The following IRX3 variants were observed in gnomAD, a reference collection of about 807,000 sequenced individuals.
IRX3 encodes the protein iroquois-class homeodomain protein IRX-3.
A neutral mutation model predicts 36.4 loss-of-function variants in IRX3; 20 were observed. That is an observed-to-expected ratio of 0.55 (90% CI 0.39 to 0.80). IRX3 has a LOEUF of 0.80. Among genes scored for constraint, IRX3 ranks in the 30% least tolerant of loss-of-function variants. The probability of loss-of-function intolerance (pLI) is 0.00; values close to 1 mark genes in which losing one functional copy is unlikely to be tolerated. For missense variants in IRX3, 718 were observed against 733.2 expected (o/e 0.98, Z 0.24); for synonymous variants, 404 against 351.6 (o/e 1.15, Z -1.67).
chr16:54,284,401 G>C lies in IRX3; in HGVS notation c.1385-89C>G. ...GCAGAAAGCAGGAGTGGAGAGGGAC[G>C]CGCGCCCTGCGCCCCCCGGGCCCTG... On this transcript the variant is annotated intron_variant, in intron 2 of 3. Coordinates refer to ENST00000329734, the MANE Select transcript of IRX3 (RefSeq NM_024336.3). The surrounding 1 kb of genome is among the most constrained non-coding windows in gnomAD (Gnocchi z 4.0). 6.9e-7 allele frequency: 1 copy of C among 1,456,906 alleles called. No individual in the cohort carries two copies. Among genetic ancestry groups the C allele is most frequent in the Non-Finnish European group, 9.0e-7 (1 of 1,110,562 alleles). The allele number at this position is 1,456,906 out of a possible 1,614,324, so 90.2% of individuals were successfully genotyped here. A position where few individuals can be genotyped will look rare whatever the true frequency, so the allele number is the denominator to read the frequency against.
Position 54,285,628 on chromosome 16 carries a change from AGAAG to A in IRX3, c.268-19_268-16del, listed in dbSNP as rs1901312072. 1.2e-5 allele frequency: 18 copies of A among 1,498,860 alleles called. No individual in the cohort carries two copies. The highest frequency in any genetic ancestry group is 2.2e-5 in the Admixed American group (1 of 44,734). 92.8% of individuals were successfully genotyped at this position (1,498,860 alleles called of 1,614,324 possible). A position where few individuals can be genotyped will look rare whatever the true frequency, so the allele number is the denominator to read the frequency against. On this transcript the variant is annotated splice_polypyrimidine_tract_variant and intron_variant, in intron 1 of 3. Coordinates refer to ENST00000329734, the MANE Select transcript of IRX3 (RefSeq NM_024336.3). The surrounding 1 kb of genome is among the most constrained non-coding windows in gnomAD (Gnocchi z 5.7). ...TACTGCGCGCCCTGTACGCACATGG[AGAAG>A]GAAGGGACACGCGCGGAGGGAGCGC... is the stretch of plus-strand genomic sequence containing the variant.
Position 54,283,826 on chromosome 16 carries a change from G to C in IRX3, c.1452-86C>G. 1 of 1,584,010 alleles carries C rather than the reference G, an allele frequency of 6.3e-7. No individual in the cohort carries two copies. Reference sequence around the variant, plus strand: ...GGGCGGGGAGATCCTACTTGGATTGGGGCCGATCGTCAGGAAGGTGTCGCA... The same window carrying C: ...GGGCGGGGAGATCCTACTTGGATTGCGGCCGATCGTCAGGAAGGTGTCGCA... On this transcript the variant is annotated intron_variant, in intron 3 of 3. Coordinates refer to ENST00000329734, the MANE Select transcript of IRX3 (RefSeq NM_024336.3). The surrounding 1 kb of genome is among the most constrained non-coding windows in gnomAD (Gnocchi z 4.4).
Position 54,286,089 on chromosome 16 carries a change from C to A in IRX3, c.-39G>T. On this transcript the variant is annotated 5_prime_UTR_variant, in exon 1 of 4. Transcript: ENST00000329734. ...GCACGGACGGAGAGGGGGGCCGACCCCCGGGCCGCCCAGCTCAGCGCCGCC... is the reference window on the plus strand; with the variant it reads ...GCACGGACGGAGAGGGGGGCCGACCACCGGGCCGCCCAGCTCAGCGCCGCC... 1 of 1,223,770 alleles carries A rather than the reference C, an allele frequency of 8.2e-7. No homozygotes were observed. The highest frequency in any genetic ancestry group is 1.0e-6 in the Non-Finnish European group (1 of 975,390). 75.8% of individuals were successfully genotyped at this position (1,223,770 alleles called of 1,614,324 possible).
rs1901324417 is a variant in IRX3, at chr16:54,285,913, C to T, written c.138G>A (p.Ser46=). The T allele has an allele frequency of 1.3e-6, 2 of 1,524,508 alleles. No homozygotes were observed. The highest frequency in any genetic ancestry group is 1.2e-5 in the South Asian group (1 of 81,172). 94.4% of individuals were successfully genotyped at this position (1,524,508 alleles called of 1,614,324 possible). Reference sequence around the variant, plus strand: ...ACGAGAGCACGTTGGACAGGGACCCCGAGGCGTTCAGCTCCGAGGCTCCGG... The same window carrying T: ...ACGAGAGCACGTTGGACAGGGACCCTGAGGCGTTCAGCTCCGAGGCTCCGG... ...LGAGASELNA[S]GSLSNVLSSV... is the part of the protein sequence containing the mutation. Residue 46 remains serine, a synonymous_variant, in exon 1 of 4, where the codon TCG becomes TCA. Transcript: ENST00000329734. This position sits in a 1 kb window ranked among gnomAD's most constrained non-coding sequence, Gnocchi z 5.7.
In IRX3 at chr16:54,285,756, C is replaced by T; in HGVS notation, c.267+28G>A. The T allele has an allele frequency of 1.3e-6, 2 of 1,511,928 alleles. No individual in the cohort carries two copies. Among genetic ancestry groups the T allele is most frequent in the South Asian group, 1.3e-5 (1 of 77,150 alleles). 93.7% of individuals were successfully genotyped at this position (1,511,928 alleles called of 1,614,324 possible). On this transcript the variant is annotated intron_variant, in intron 1 of 3. Coordinates refer to ENST00000329734, the MANE Select transcript of IRX3 (RefSeq NM_024336.3). This position sits in a 1 kb window ranked among gnomAD's most constrained non-coding sequence, Gnocchi z 5.7. ...TCGCCCTGCGCCCCAGCGCCAACCC[C>T]TCCTTCCCTGGCTCCGCGGGCTCTT...
Position 54,284,540 on chromosome 16 carries a change from G to A in IRX3, c.1341C>T (p.Ala447=). 6 of 1,419,088 alleles carry A rather than the reference G, an allele frequency of 4.2e-6. No homozygotes were observed. Among genetic ancestry groups the A allele is most frequent in the Non-Finnish European group, 5.5e-6 (6 of 1,096,768 alleles). 87.9% of individuals were successfully genotyped at this position (1,419,088 alleles called of 1,614,324 possible). A position where few individuals can be genotyped will look rare whatever the true frequency, so the allele number is the denominator to read the frequency against. Residue 447 remains alanine, a synonymous_variant, in exon 2 of 4, where the codon GCC becomes GCT. Coordinates refer to ENST00000329734, the MANE Select transcript of IRX3 (RefSeq NM_024336.3). This position sits in a 1 kb window ranked among gnomAD's most constrained non-coding sequence, Gnocchi z 4.0. ...GLPGAAGHPA[A]AAAFARPAEP... ...CCGCTGGCCGAGCGAAGGCGGCGGC[G>A]GCAGCCGGGTGGCCCGCGGCTCCGG...
Position 54,285,399 on chromosome 16 carries a change from A to G in IRX3, c.482T>C (p.Ile161Thr). ...KNPYPTKGEKIMLAIITKMTL... is the reference protein window; with the variant it reads ...KNPYPTKGEKTMLAIITKMTL... ...CATCTTGGTGATGATGGCCAGCATG[A>G]TCTTCTCGCCCTTGGTGGGGTAGGG... is the stretch of plus-strand genomic sequence containing the variant. The change falls in exon 2 of 4, where the codon ATC becomes ACC. Residue 161 changes from isoleucine (I) to threonine (T), a missense_variant. By Grantham distance (89) the Ile-to-Thr change is moderately conservative. This residue lies in a region of IRX3 where 46 missense variants were observed against 89.7 expected (regional missense o/e 0.51). Transcript: ENST00000329734. The surrounding 1 kb of genome is among the most constrained non-coding windows in gnomAD (Gnocchi z 5.7). 2 of 1,614,070 alleles carry G rather than the reference A, an allele frequency of 1.2e-6. No homozygotes were observed. The highest frequency in any genetic ancestry group is 1.1e-5 in the South Asian group (1 of 91,072).
chr16:54,285,701 C>T lies in IRX3; in HGVS notation c.267+83G>A. ...GCTGCCTCCCCCCTCCTGGCCTGCACCCCTCTAGTCCGGCCCCCGCGCGCT... is the reference window on the plus strand; with the variant it reads ...GCTGCCTCCCCCCTCCTGGCCTGCATCCCTCTAGTCCGGCCCCCGCGCGCT... On this transcript the variant is annotated intron_variant, in intron 1 of 3. Transcript: ENST00000329734. The surrounding 1 kb of genome is among the most constrained non-coding windows in gnomAD (Gnocchi z 5.7). The T allele has an allele frequency of 6.9e-7, 1 of 1,457,006 alleles. No individual in the cohort carries two copies. The highest frequency in any genetic ancestry group is 9.0e-7 in the Non-Finnish European group (1 of 1,111,276). The allele number at this position is 1,457,006 out of a possible 1,614,324, so 90.3% of individuals were successfully genotyped here.
Position 54,283,749 on chromosome 16 carries a change from G to A in IRX3, c.1452-9C>T. On this transcript the variant is annotated splice_polypyrimidine_tract_variant and intron_variant, in intron 3 of 3. Transcript: ENST00000329734. The surrounding 1 kb of genome is among the most constrained non-coding windows in gnomAD (Gnocchi z 4.4). ...CCAGATGGTTCTGGGGCCTGGAAGA[G>A]AGAGACAGTAGTAGCAAAAGAGGTG... is the stretch of plus-strand genomic sequence containing the variant. The A allele has an allele frequency of 6.2e-7, 1 of 1,608,922 alleles. No individual in the cohort carries two copies. Among genetic ancestry groups the A allele is most frequent in the Non-Finnish European group, 8.5e-7 (1 of 1,175,540 alleles).
In IRX3 at chr16:54,285,911, C is replaced by A. The variant is rs138097550; in HGVS notation, c.140G>T (p.Gly47Val). Reference protein sequence around the residue: ...GAGASELNASGSLSNVLSSVY... With the variant: ...GAGASELNASVSLSNVLSSVY... The stretch of plus-strand genomic sequence containing the variant: ...GGACGAGAGCACGTTGGACAGGGAC[C>A]CCGAGGCGTTCAGCTCCGAGGCTCC... Residue 47 changes from glycine (G) to valine (V), a missense_variant, in exon 1 of 4, where the codon GGG becomes GTG. Transcript: ENST00000329734. This position sits in a 1 kb window ranked among gnomAD's most constrained non-coding sequence, Gnocchi z 5.7. 25 of 1,524,912 alleles carry A rather than the reference C, an allele frequency of 1.6e-5. No homozygotes were observed. The highest frequency in any genetic ancestry group is 1.9e-5 in the Non-Finnish European group (22 of 1,136,818). The allele number at this position is 1,524,912 out of a possible 1,614,324, so 94.5% of individuals were successfully genotyped here.
rs538981562 is a variant in IRX3, at chr16:54,286,157, C to A, written c.-107G>T. The A allele has an allele frequency of 4.1e-5, 44 of 1,075,752 alleles. No homozygotes were observed. The highest frequency in any genetic ancestry group is 4.9e-5 in the Non-Finnish European group (43 of 885,816). 66.6% of individuals were successfully genotyped at this position (1,075,752 alleles called of 1,614,324 possible). Reference sequence around the variant, plus strand: ...ATCGGGGGCTGGGCCGGGCTTGGGGCCGCGCTGCCGCCCGCGCTGCGCTGT... The same window carrying A: ...ATCGGGGGCTGGGCCGGGCTTGGGGACGCGCTGCCGCCCGCGCTGCGCTGT... On this transcript the variant is annotated 5_prime_UTR_variant, in exon 1 of 4. Coordinates refer to ENST00000329734, the MANE Select transcript of IRX3 (RefSeq NM_024336.3).
At position 54,285,887 on chromosome 16, in the gene IRX3, G is replaced by A. The variant is rs1409450228; in HGVS notation, c.164C>T (p.Ser55Phe). Residue 55 changes from serine (S) to phenylalanine (F), a missense_variant, in exon 1 of 4, where the codon TCC (serine) becomes TTC (phenylalanine). Around this residue, in one of 3 missense-constraint regions of IRX3, gnomAD observed 204 missense variants for 181.4 expected, o/e 1.12. Transcript: ENST00000329734. The surrounding 1 kb of genome is among the most constrained non-coding windows in gnomAD (Gnocchi z 5.7). ...CGCGGCGTAGGGCGCCCCGTACACG[G>A]ACGAGAGCACGTTGGACAGGGACCC... ...ASGSLSNVLS[S>F]VYGAPYAAAA... is the part of the protein sequence containing the mutation. 1 of 1,537,850 alleles carries A rather than the reference G, an allele frequency of 6.5e-7. No individual in the cohort carries two copies. Among genetic ancestry groups the A allele is most frequent in the African/African-American group, 1.4e-5 (1 of 71,062 alleles).
chr16:54,285,599 C>T lies in IRX3; in HGVS notation c.282G>A (p.Glu94=). The T allele has an allele frequency of 6.5e-7, 1 of 1,538,970 alleles. No individual in the cohort carries two copies. Among genetic ancestry groups the T allele is most frequent in the Non-Finnish European group, 8.8e-7 (1 of 1,142,184 alleles). Residue 94 remains glutamate (E), a synonymous_variant, in exon 2 of 4, where the codon GAG becomes GAA. Coordinates refer to ENST00000329734, the MANE Select transcript of IRX3 (RefSeq NM_024336.3). The surrounding 1 kb of genome is among the most constrained non-coding windows in gnomAD (Gnocchi z 5.7). The part of the protein sequence containing the change: ...PIFPQLGAQY[E]LKDSPGVQHP... Reference sequence around the variant, plus strand: ...GCTGCACCCCGGGGCTGTCCTTCAGCTCATACTGCGCGCCCTGTACGCACA... The same window carrying T: ...GCTGCACCCCGGGGCTGTCCTTCAGTTCATACTGCGCGCCCTGTACGCACA...
At position 54,285,193 on chromosome 16, in the gene IRX3, C is replaced by T. The variant is rs778154024; in HGVS notation, c.688G>A (p.Glu230Lys). The T allele has an allele frequency of 6.2e-7, 1 of 1,603,476 alleles. No homozygotes were observed. Among genetic ancestry groups the T allele is most frequent in the Non-Finnish European group, 8.5e-7 (1 of 1,174,920 alleles). ...EDGKRELELEEEELGGEEEDT... is the reference protein window; with the variant it reads ...EDGKRELELEKEELGGEEEDT... Reference sequence around the variant, plus strand: ...TCCTCCTCCCCCCCGAGCTCCTCCTCCTCCAGCTCTAGCTCGCGTTTGCCG... The same window carrying T: ...TCCTCCTCCCCCCCGAGCTCCTCCTTCTCCAGCTCTAGCTCGCGTTTGCCG... Residue 230 changes from glutamate to lysine, a missense_variant, in exon 2 of 4, where the codon GAG (glutamate) becomes AAG (lysine). This residue lies in a region of IRX3 where 468 missense variants were observed against 462.1 expected (regional missense o/e 1.01). Transcript: ENST00000329734. The surrounding 1 kb of genome is among the most constrained non-coding windows in gnomAD (Gnocchi z 5.7).
Position 54,284,962 on chromosome 16 carries a change from C to T in IRX3, c.919G>A (p.Val307Ile), listed in dbSNP as rs758035815. The T allele has an allele frequency of 1.2e-6, 2 of 1,610,904 alleles. No homozygotes were observed. Among genetic ancestry groups the T allele is most frequent in the African/African-American group, 1.3e-5 (1 of 74,862 alleles). Residue 307 changes from valine to isoleucine, a missense_variant, in exon 2 of 4, where the codon GTC (valine) becomes ATC (isoleucine). Physicochemically the swap from Val to Ile is conservative, Grantham distance 29. This residue lies in a region of IRX3 where 468 missense variants were observed against 462.1 expected (regional missense o/e 1.01). Coordinates refer to ENST00000329734, the MANE Select transcript of IRX3 (RefSeq NM_024336.3). The surrounding 1 kb of genome is among the most constrained non-coding windows in gnomAD (Gnocchi z 4.0). ...SEGLEDRPLP[V>I]LSLAPAPPPV... is the part of the protein sequence containing the mutation. ...GGTGGCGCTGGAGCCAGACTCAGGA[C>T]CGGTAGTGGCCGGTCCTCTAAGCCC...
Position 54,283,702 on chromosome 16 carries a change from GC to G in IRX3, c.1489del (p.Ala497LeufsTer26). On this transcript the variant is annotated frameshift_variant, in exon 4 of 4. Transcript: ENST00000329734. LOFTEE classifies it high-confidence loss of function. This position sits in a 1 kb window ranked among gnomAD's most constrained non-coding sequence, Gnocchi z 4.4. Reference sequence around the variant, plus strand: ...TTTAAAGAACTAGGATGAGGAGAGAGCCGATAAGACCAGGGCGGCGTCCAGA... The same window carrying G: ...TTTAAAGAACTAGGATGAGGAGAGAGCGATAAGACCAGGGCGGCGTCCAGA... ...NHLDAALVLS[A>X]LSSS 7.3e-7 allele frequency: 1 copy of G among 1,376,830 alleles called. No individual in the cohort carries two copies. Among genetic ancestry groups the G allele is most frequent in the Non-Finnish European group, 1.0e-6 (1 of 963,746 alleles). The allele number at this position is 1,376,830 out of a possible 1,614,324, so 85.3% of individuals were successfully genotyped here. A position where few individuals can be genotyped will look rare whatever the true frequency, so the allele number is the denominator to read the frequency against.
At position 54,285,122 on chromosome 16, in the gene IRX3, CTCCTCG is replaced by C. The variant is rs1187077143; in HGVS notation, c.753_758del (p.Asp251_Glu252del). 9 of 1,613,404 alleles carry C rather than the reference CTCCTCG, an allele frequency of 5.6e-6. No homozygotes were observed. Among genetic ancestry groups the C allele is most frequent in the Non-Finnish European group, 7.6e-6 (9 of 1,179,830 alleles). On this transcript the variant is annotated inframe_deletion, in exon 2 of 4. Coordinates refer to ENST00000329734, the MANE Select transcript of IRX3 (RefSeq NM_024336.3). This position sits in a 1 kb window ranked among gnomAD's most constrained non-coding sequence, Gnocchi z 5.7. ...CGCCGTCTAAGTTCTCCAAATCGAT[CTCCTCG>C]TCCTCGTCGTCGTCAGCCAGGCCCT...
chr16:54,284,636 G>A lies in IRX3; in HGVS notation c.1245C>T (p.Gly415=). ...FPAWTNRPFP[G]PPPGPRLHPL... ...GGTGCAGGCGGGGGCCGGGCGGTGG[G>A]CCTGGAAACGGCCGGTTGGTCCAAG... The change falls in exon 2 of 4, where the codon GGC becomes GGT. Residue 415 remains glycine, a synonymous_variant. Transcript: ENST00000329734. The surrounding 1 kb of genome is among the most constrained non-coding windows in gnomAD (Gnocchi z 4.0). The A allele has an allele frequency of 7.3e-7, 1 of 1,376,916 alleles. No individual in the cohort carries two copies. The highest frequency in any genetic ancestry group is 9.3e-7 in the Non-Finnish European group (1 of 1,076,514). 85.3% of individuals were successfully genotyped at this position (1,376,916 alleles called of 1,614,324 possible).
In IRX3 at chr16:54,284,910, A is replaced by G. The variant is rs775859472; in HGVS notation, c.971T>C (p.Leu324Pro). Residue 324 changes from leucine (L) to proline (P), a missense_variant, in exon 2 of 4, where the codon CTG (leucine) becomes CCG (proline). Physicochemically the swap from Leu to Pro is moderately conservative, Grantham distance 98. Coordinates refer to ENST00000329734, the MANE Select transcript of IRX3 (RefSeq NM_024336.3). The surrounding 1 kb of genome is among the most constrained non-coding windows in gnomAD (Gnocchi z 4.0). Reference sequence around the variant, plus strand: ...GTCCAGGCTCACGGGGGGCGACGGCAGAGACGGCGAGGCCACGGCCACTGG... The same window carrying G: ...GTCCAGGCTCACGGGGGGCGACGGCGGAGACGGCGAGGCCACGGCCACTGG... ...PPPVAVASPS[L>P]PSPPVSLDPC... 1 of 1,583,526 alleles carries G rather than the reference A, an allele frequency of 6.3e-7. No homozygotes were observed. Among genetic ancestry groups the G allele is most frequent in the Non-Finnish European group, 8.6e-7 (1 of 1,165,606 alleles).
Sources: allele counts gnomAD v4.1 joint callset, GRCh38; gene constraint gnomAD v4.1.1; regional missense constraint gnomAD v4.1.1; non-coding constraint Gnocchi (gnomAD v3.1); transcripts MANE v1.5; gene names NCBI Gene and HGNC (gene_info 2026-07-23, HGNC 2026-07-21).